ZNF492: variants seen among roughly 807,000 people sequenced by gnomAD.
ZNF492 encodes zinc finger protein 115 (Y20).
A neutral mutation model predicts 6.4 loss-of-function variants in ZNF492; 3 were observed. The ratio of observed to expected loss-of-function variants is 0.47; its 90% CI spans 0.21 to 1.22. The LOEUF is 1.22. Ranked by LOEUF, ZNF492 falls within the 50% of genes most tolerant of loss-of-function variation. ZNF492 has a pLI of 0.22. For synonymous variants in ZNF492, 112 were observed against 205.3 expected (o/e 0.55, Z 3.89); for missense variants, 356 against 612.5 (o/e 0.58, Z 4.42).
At chr19:22,647,999 G>A (rs1294778264) in intron 1 of ZNF492, among the ~76,000 whole-genome samples, 1 of 152,122 alleles carries the variant, frequency 6.6e-6, no homozygotes, top group African/African-American at 2.4e-5. Context: ...CTCCCAAAAT[G>A]CTGGGATTAC....
intron 1 of ZNF492, among the ~76,000 whole-genome samples, chr19:22,636,542 GTGTT>G (rs1490060229): frequency 1.3e-5 from 2 of 151,104 alleles, no homozygotes; most frequent in African/African-American, 2.4e-5. Context: ...GTGTGTGTGT[GTGTT>G]TGTGTGTGTG....
chr19:22,650,243 T>C (rs1835994), intron 1 of ZNF492, among the ~76,000 whole-genome samples: 29,267 of 151,882 alleles, frequency 0.19, 3,636 homozygotes, highest in African/African-American at 0.36. Context: ...CTTCTGAACC[T>C]GGAGATATTA....
chr19:22,655,845 G>C (rs1439131286), intron 3 of ZNF492, among the ~76,000 whole-genome samples: 5 of 100,556 alleles, frequency 5.0e-5, no homozygotes, highest in African/African-American at 2.2e-4. Flanking sequence ...TTTTTTTTGA[G>C]ACAGCGTCTC....
At chr19:22,641,039 A>G (rs551577442) in intron 1 of ZNF492, among the ~76,000 whole-genome samples, 2 of 151,840 alleles carry the variant, frequency 1.3e-5, no homozygotes, top group African/African-American at 4.8e-5. Flanking sequence ...TTTTATTTTT[A>G]TGTTTTTAAA....
intron 1 of ZNF492, among the ~76,000 whole-genome samples, chr19:22,636,385 C>T (rs951216241): frequency 6.6e-5 from 10 of 152,186 alleles, no homozygotes; most frequent in East Asian, 5.8e-4. Flanking sequence ...CATGAGCCAC[C>T]GCGCCCAGCC....
At chr19:22,644,621 T>C (rs1040928640) in intron 1 of ZNF492, among the ~76,000 whole-genome samples, 2 of 152,216 alleles carry the variant, frequency 1.3e-5, no homozygotes, top group Non-Finnish European at 2.9e-5. Flanking sequence ...ATCTATCCAT[T>C]CTGTCATTGA....
intron 2 of ZNF492, 94 bp from the exon 3 acceptor site, chr19:22,653,826 C>T: frequency 7.5e-7 from 1 of 1,327,290 alleles, no homozygotes; most frequent in Non-Finnish European, 1.0e-6. Flanking sequence ...AATCAATTTA[C>T]TAGAATATTC....
chr19:22,656,572 G>A (rs1008256427), intron 3 of ZNF492, among the ~76,000 whole-genome samples: 23 of 152,036 alleles, frequency 1.5e-4, no homozygotes, highest in African/African-American at 5.6e-4. Flanking sequence ...GCCAAGGTCT[G>A]CAGGCCTGCT....
intron 1 of ZNF492, among the ~76,000 whole-genome samples, chr19:22,636,460 G>A (rs1437723141): frequency 1.4e-5 from 2 of 145,616 alleles, no homozygotes; most frequent in Non-Finnish European, 3.0e-5. Context: ...TCTAAGAATA[G>A]TGGTCTCCAG....
At chr19:22,639,711 CAA>C (rs34864212) in intron 1 of ZNF492, among the ~76,000 whole-genome samples, 31 of 90,516 alleles carry the variant, frequency 3.4e-4, no homozygotes, top group Non-Finnish European at 4.6e-4. Context: ...AACTTGGTCT[CAA>C]AAAAAAAAAA....
chr19:22,642,669 G>A (rs565234504), intron 1 of ZNF492, among the ~76,000 whole-genome samples: 45 of 152,164 alleles, frequency 3.0e-4, no homozygotes, highest in East Asian at 7.7e-4. Flanking sequence ...GAGTACAGGC[G>A]TAAGCGACCG....
At chr19:22,661,522 C>A (rs546860458) in intron 3 of ZNF492, among the ~76,000 whole-genome samples, 1 of 152,020 alleles carries the variant, frequency 6.6e-6, no homozygotes, top group African/African-American at 2.4e-5. Context: ...CTGGGAGTCT[C>A]TCAAACATGT....
chr19:22,650,768 G>T (rs913022092), intron 1 of ZNF492, among the ~76,000 whole-genome samples: 1 of 152,132 alleles, frequency 6.6e-6, no homozygotes, highest in African/African-American at 2.4e-5. Flanking sequence ...AGCATCCCTG[G>T]CTCCAGCAGG....
At chr19:22,649,377 A>G (rs1971916927) in intron 1 of ZNF492, among the ~76,000 whole-genome samples, 2 of 151,996 alleles carry the variant, frequency 1.3e-5, no homozygotes, top group Admixed American at 1.3e-4. Flanking sequence ...TGTCATTTCA[A>G]CCTTGGAGAA....
intron 1 of ZNF492, among the ~76,000 whole-genome samples, chr19:22,649,211 A>G (rs1209334167): frequency 6.6e-6 from 1 of 152,120 alleles, no homozygotes; most frequent in African/African-American, 2.4e-5. Context: ...TCGATATAAA[A>G]TTCTGGGTTC....
At chr19:22,659,625 A>C (rs977110415) in intron 3 of ZNF492, among the ~76,000 whole-genome samples, 22 of 148,748 alleles carry the variant, frequency 1.5e-4, no homozygotes, top group African/African-American at 5.6e-4. Flanking sequence ...CAGATTTGTC[A>C]TAGGTTCCCA....
chr19:22,652,978 C>A (rs1971956947), intron 1 of ZNF492, among the ~76,000 whole-genome samples: 1 of 151,928 alleles, frequency 6.6e-6, no homozygotes. Flanking sequence ...TCTTTTCCAT[C>A]TGAAAAATTT....
Position 22,665,511 on chromosome 19 carries a change from T to A in ZNF492, c.*246T>A. The A allele has an allele frequency of 1.4e-6, 1 of 725,470 alleles. No homozygotes were observed. The highest frequency in any genetic ancestry group is 2.0e-6 in the Non-Finnish European group (1 of 491,658). 44.9% of individuals were successfully genotyped at this position (725,470 alleles called of 1,614,324 possible). A position where few individuals can be genotyped will look rare whatever the true frequency, so the allele number is the denominator to read the frequency against. ...ACATCAGAGTTTATATTAATAGCAT[T>A]AAAAGTGCAATTACTGTCAAAAGAG... On this transcript the variant is annotated 3_prime_UTR_variant, in exon 4 of 4. Transcript: ENST00000456783.
intron 1 of ZNF492, among the ~76,000 whole-genome samples, chr19:22,650,695 G>A (rs919706543): frequency 1.3e-5 from 2 of 152,130 alleles, no homozygotes; most frequent in Non-Finnish European, 2.9e-5. Context: ...AGGAGCTGTA[G>A]CTGCAGTCTG....
Sources: gnomAD v4.1 joint callset for allele counts (sites outside exome capture counted in the v4.1 genomes callset) on GRCh38, gnomAD v4.1.1 for gene constraint, MANE v1.5 for transcripts, NCBI Gene and HGNC (gene_info 2026-07-23, HGNC 2026-07-21) for gene names.